Variants in INF2 observed in about 807,000 individuals in gnomAD.
INF2 encodes the protein inverted formin 2.
Under a neutral mutation model 123.5 loss-of-function variants are expected in INF2, and 43 were observed. That is an observed-to-expected ratio of 0.35 (90% CI 0.27 to 0.45). The LOEUF (loss-of-function observed/expected upper bound fraction) is 0.45, where lower values mean the gene tolerates loss of function less well. Among genes scored for constraint, INF2 ranks in the 20% least tolerant of loss-of-function variants. INF2 has a pLI of 1.00. For synonymous variants in INF2, 851 were observed against 745.0 expected (o/e 1.14, Z -2.32); for missense variants, 1,453 against 1,682.7 (o/e 0.86, Z 2.39).
intron 13 of INF2, among the ~76,000 whole-genome samples, 168 bp downstream of exon 13, chr14:104,710,356 C>T (rs896243144): frequency 2.0e-5 from 3 of 151,862 alleles, no homozygotes; most frequent in African/African-American, 4.8e-5. Context: ...GCCACCACCT[C>T]GGTGCACACA....
intron 15 of INF2, 26 bp downstream of exon 15, chr14:104,711,212 T>C: frequency 6.5e-7 from 1 of 1,530,530 alleles, no homozygotes; most frequent in South Asian, 1.2e-5. Flanking sequence ...GGGGGCATAA[T>C]GGGAGGGCTT....
At chr14:104,712,710 G>A in intron 17 of INF2, 118 bp from the exon 18 acceptor site, 2 of 1,465,842 alleles carry the variant, frequency 1.4e-6, no homozygotes, top group Non-Finnish European at 1.8e-6. Flanking sequence ...CTCCTTGTCA[G>A]AGACCACCGT....
chr14:104,692,205 G>A lies in INF2; in HGVS notation c.-10+2466G>A, dbSNP rs890566698. ...GCCAGCCTGCGGGGTCCCTCCGCAC[G>A]GTCTCCCACCCTCATCCCTCCCAGT... On this transcript the variant is annotated intron_variant, in intron 1 of 22. Coordinates refer to ENST00000392634, the MANE Select transcript of INF2 (RefSeq NM_022489.4). Among the ~76,000 whole-genome samples the A allele has an allele frequency of 3.3e-5, 5 of 152,202 alleles. No individual in the cohort carries two copies. In the East Asian group the frequency reaches 5.8e-4, roughly 18 times the overall value.
Position 104,682,234 on chromosome 14 carries a change from T to C in INF2, c.-104+652T>C, listed in dbSNP as rs371479821. On this transcript the variant is annotated intron_variant, in intron 1 of 2. Transcript: ENST00000674723. ...GGAAGATGCAGGCAGGAGGCAGCAG[T>C]GTGGGGAGGGACAGGGAGGGCCTAG... Among the ~76,000 whole-genome samples the C allele has an allele frequency of 8.6e-4, 131 of 152,182 alleles. 2 individuals carry two copies. The South Asian group carries it at 0.025, about 29-fold the overall frequency.
Position 104,707,751 on chromosome 14 carries a change from C to A in INF2, c.1484C>A (p.Pro495Gln). ...CTGCCCCCACCACCTCCACCACTCC[C>A]GGGCTTGGGATGCCCGCCCCCACCC... ...EFLPPPPPPL[P>Q]GLGCPPPPPP... Residue 495 changes from proline to glutamine, a missense_variant, in exon 8 of 23, where the codon CCG (proline) becomes CAG (glutamine). Pro to Gln is a moderately conservative substitution (Grantham distance 76). This residue lies in a region of INF2 where 374 missense variants were observed against 303.7 expected (regional missense o/e 1.23). Transcript: ENST00000392634. 1.4e-6 allele frequency: 2 copies of A among 1,382,054 alleles called. No homozygotes were observed. Among genetic ancestry groups the A allele is most frequent in the Non-Finnish European group, 2.0e-6 (2 of 1,009,280 alleles). 85.6% of individuals were successfully genotyped at this position (1,382,054 alleles called of 1,614,324 possible). A position where few individuals can be genotyped will look rare whatever the true frequency, so the allele number is the denominator to read the frequency against.
At chr14:104,685,858 G>A (rs1888646343), upstream of INF2, among the ~76,000 whole-genome samples, 1 of 140,504 alleles carries the variant, frequency 7.1e-6, no homozygotes, top group Admixed American at 7.2e-5. Flanking sequence ...ATGGTGGGTG[G>A]ATGGATGGAT....
rs942162008 is a variant in INF2 at position 104,713,915 on chromosome 14, G to A, written c.3041-288G>A. 2.0e-5 allele frequency among the ~76,000 whole-genome samples: 3 copies of A among 152,366 alleles called. No homozygotes were observed. In the East Asian group the frequency reaches 5.8e-4, roughly 29 times the overall value. On this transcript the variant is annotated intron_variant, in intron 20 of 22. Transcript: ENST00000392634. Reference sequence around the variant, plus strand: ...ACCGATGCCCTTGGGCTCAGAGGGTGCTAGAGGTGGCAGGAAAGGCAGGCG... The same window carrying A: ...ACCGATGCCCTTGGGCTCAGAGGGTACTAGAGGTGGCAGGAAAGGCAGGCG...
At chr14:104,695,604 C>CCCAGTGACCCCTCCTT (rs1412930959) in intron 1 of INF2, among the ~76,000 whole-genome samples, 1 of 152,170 alleles carries the variant, frequency 6.6e-6, no homozygotes, top group Non-Finnish European at 1.5e-5. Context: ...GACCCCTCCT[C>CCCAGTGACCCCTCCTT]CCAGTGAGCC....
In INF2 at chr14:104,722,363, C is replaced by G. The variant is rs182757619; in HGVS notation, c.*3570C>G. On this transcript the variant is annotated 3_prime_UTR_variant, in exon 23 of 23. Coordinates refer to ENST00000392634, the MANE Select transcript of INF2 (RefSeq NM_022489.4). ...TAGCATGTCCCCCAGTCCCCCAAGC[C>G]TCTATCTGACATCTGCTAGCCCAGA... 1 of 152,342 alleles carries G rather than the reference C, an allele frequency of 6.6e-6. No homozygotes were observed. The highest frequency in any genetic ancestry group is 1.5e-5 in the Non-Finnish European group (1 of 68,146). The allele number at this position is 152,342 out of a possible 1,614,324, so 9.4% of individuals were successfully genotyped here.
In INF2 at chr14:104,707,065, G is replaced by A. The variant is rs1195937622; in HGVS notation, c.985+14G>A. 6.4e-7 allele frequency: 1 copy of A among 1,570,508 alleles called. No individual in the cohort carries two copies. Among genetic ancestry groups the A allele is most frequent in the Admixed American group, 1.8e-5 (1 of 56,358 alleles). The stretch of plus-strand genomic sequence containing the variant: ...TGGCCAGCGATGGTGAGGGGGCGGG[G>A]CAGGGGCGTAGGCACAGCCTGGTGG... On this transcript the variant is annotated intron_variant, in intron 7 of 22. Transcript: ENST00000392634.
At position 104,714,328 on chromosome 14, in the gene INF2, G is replaced by A. The variant is rs528063130; in HGVS notation, c.3166G>A (p.Gly1056Ser). The A allele has an allele frequency of 2.8e-5, 45 of 1,590,700 alleles. No individual in the cohort carries two copies. In the South Asian group the frequency reaches 3.3e-4, roughly 12 times the overall value. The change falls in exon 21 of 23, where the codon GGC becomes AGC. Residue 1056 changes from glycine to serine, a missense_variant. Physicochemically the swap from Gly to Ser is moderately conservative, Grantham distance 56. Transcript: ENST00000392634. The stretch of plus-strand genomic sequence containing the variant: ...GGACCTTGTAGACGCCGTGACCCCC[G>A]GCCCTCAGCCCACCCTGGAGCAGTT... ...GWDLVDAVTPGPQPTLEQLEE... is the reference protein window; with the variant it reads ...GWDLVDAVTPSPQPTLEQLEE...
chr14:104,701,598 T>A lies in INF2; in HGVS notation c.233T>A (p.Leu78Gln), dbSNP rs1889500121. 1 of 1,606,234 alleles carries A rather than the reference T, an allele frequency of 6.2e-7. No individual in the cohort carries two copies. Among genetic ancestry groups the A allele is most frequent in the Non-Finnish European group, 8.5e-7 (1 of 1,178,528 alleles). Residue 78 changes from leucine to glutamine, a missense_variant, in exon 2 of 23, where the codon CTG becomes CAG. Leu to Gln is a moderately radical substitution (Grantham distance 113, BLOSUM62 -2). Around this residue, in one of 8 missense-constraint regions of INF2, gnomAD observed 251 missense variants for 349.4 expected, o/e 0.72. Transcript: ENST00000392634. ...GAGCAGAGCGGCCTGGACCTGCTGC[T>A]GGAGGCGCTGGCGCGGCTGTCGGGC... ...FLEQSGLDLL[L>Q]EALARLSGRG...
chr14:104,685,933 TG>T (rs1888649732), upstream of INF2, among the ~76,000 whole-genome samples: 1 of 55,804 alleles, frequency 1.8e-5, no homozygotes, highest in Non-Finnish European at 3.4e-5. Context: ...GAGTGGCAAA[TG>T]GGTGGGTAAG....
At chr14:104,710,841 G>A in intron 13 of INF2, 96 bp from the exon 14 acceptor site, 1 of 1,056,204 alleles carries the variant, frequency 9.5e-7, no homozygotes, top group Non-Finnish European at 1.4e-6. Flanking sequence ...GAGCCAGGGA[G>A]TGCAGGGGCA....
upstream of INF2, among the ~76,000 whole-genome samples, chr14:104,687,162 C>T (rs1888684336): frequency 6.6e-6 from 1 of 152,136 alleles, no homozygotes; most frequent in Non-Finnish European, 1.5e-5. The surrounding 1 kb of genome is among the most constrained non-coding windows in gnomAD (Gnocchi z 5.6). Context: ...CCGGAAGCCG[C>T]AGGCAGTGGC....
intron 10 of INF2, 53 bp downstream of exon 10, chr14:104,708,785 G>A (rs1367733728): frequency 6.3e-7 from 1 of 1,580,136 alleles, no homozygotes; most frequent in Non-Finnish European, 8.7e-7. Context: ...GCCTCCACCT[G>A]AGCCTTCTGA....
At chr14:104,707,073 G>T (rs199804069) in intron 7 of INF2, 22 bp downstream of exon 7, 2 of 1,564,706 alleles carry the variant, frequency 1.3e-6, no homozygotes, top group East Asian at 2.3e-5. Context: ...GGGCAGGGGC[G>T]TAGGCACAGC....
At chr14:104,686,323 G>A (rs1390006277), upstream of INF2, among the ~76,000 whole-genome samples, 1 of 151,582 alleles carries the variant, frequency 6.6e-6, no homozygotes, top group Non-Finnish European at 1.5e-5. Context: ...GTGGATGGGT[G>A]GATGAGTGGA....
At position 104,703,885 on chromosome 14, in the gene INF2, G is replaced by A. The variant is rs7145851; in HGVS notation, c.668-31G>A. On this transcript the variant is annotated intron_variant, in intron 4 of 22. Transcript: ENST00000392634. Reference sequence around the variant, plus strand: ...ATGGGGAAGGCGGGGAGTGGCCTCCGAACCCTCTGACCCTGTCCGTCCCTT... The same window carrying A: ...ATGGGGAAGGCGGGGAGTGGCCTCCAAACCCTCTGACCCTGTCCGTCCCTT... 348,968 of 1,610,298 alleles carry A rather than the reference G, an allele frequency of 0.22. 39,930 individuals carry two copies. The highest frequency in any genetic ancestry group is 0.23 in the Non-Finnish European group (274,478 of 1,179,728).
Sources: gnomAD v4.1 joint callset for allele counts (sites outside exome capture counted in the v4.1 genomes callset) on GRCh38, gnomAD v4.1.1 for gene constraint, gnomAD v4.1.1 regional missense constraint, Gnocchi (gnomAD v3.1) non-coding constraint, MANE v1.5 for transcripts, NCBI Gene and HGNC (gene_info 2026-07-23, HGNC 2026-07-21) for gene names.